AMPH: variants seen among roughly 807,000 people sequenced by gnomAD.
AMPH encodes the protein amphiphysin (Stiff-Mann syndrome with breast cancer 128kD autoantigen).
AMPH carries 49 observed loss-of-function variants against 99.1 expected under a neutral mutation model. The observed-to-expected ratio is 0.49, with a 90% CI of 0.39 to 0.63. The LOEUF is 0.63. AMPH is among the 20% of genes least tolerant of loss of function. The probability of loss-of-function intolerance (pLI) is 0.00; values close to 1 mark genes in which losing one functional copy is unlikely to be tolerated. For missense variants in AMPH, 759 were observed against 863.4 expected, an observed-to-expected ratio of 0.88 and a Z score of 1.52; for synonymous variants, 314 against 317.3, an observed-to-expected ratio of 0.99 and a Z score of 0.11.
chr7:38,563,503 G>A (rs1409661781), intron 1 of AMPH, among the ~76,000 whole-genome samples: 1 of 152,120 alleles, frequency 6.6e-6, no homozygotes, highest in Non-Finnish European at 1.5e-5. Context: ...CAACCAAAAA[G>A]TACTATAATT....
chr7:38,516,841 G>A (rs960669091), intron 2 of AMPH, among the ~76,000 whole-genome samples: 5 of 152,230 alleles, frequency 3.3e-5, no homozygotes, highest in South Asian at 2.1e-4. Flanking sequence ...CCTTGTGTCA[G>A]TGTCGCCTGA....
At chr7:38,422,500 G>A in intron 15 of AMPH, 23 bp from the exon 16 acceptor site, 1 of 1,594,882 alleles carries the variant, frequency 6.3e-7, no homozygotes, top group East Asian at 2.2e-5. Context: ...GATAAAAATA[G>A]AAGATGTTTT....
intron 1 of AMPH, among the ~76,000 whole-genome samples, chr7:38,561,187 C>T (rs1791540739): frequency 6.6e-6 from 1 of 152,210 alleles, no homozygotes; most frequent in Non-Finnish European, 1.5e-5. Flanking sequence ...GTCACTGAAC[C>T]TCTCCTATAT....
chr7:38,427,880 T>C (rs1562746480), intron 14 of AMPH: 2 of 456,564 alleles, frequency 4.4e-6, no homozygotes, highest in African/African-American at 4.0e-5. Flanking sequence ...ACAATCCATA[T>C]CTCTGGTTAG....
At chr7:38,533,774 C>T (rs1790497483) in intron 2 of AMPH, among the ~76,000 whole-genome samples, 1 of 152,102 alleles carries the variant, frequency 6.6e-6, no homozygotes, top group Non-Finnish European at 1.5e-5. Flanking sequence ...TTATAATGCG[C>T]AAACCCCATT....
chr7:38,571,281 TTA>T (rs1491553666), intron 1 of AMPH, among the ~76,000 whole-genome samples: 4 of 44,084 alleles, frequency 9.1e-5, no homozygotes, highest in Non-Finnish European at 1.2e-4. Flanking sequence ...ATATATATTT[TTA>T]TATATATTTA....
Position 38,631,309 on chromosome 7 carries a change from T to C in AMPH, c.43A>G (p.Lys15Glu). 1 of 1,549,250 alleles carries C rather than the reference T, an allele frequency of 6.5e-7. No individual in the cohort carries two copies. The highest frequency in any genetic ancestry group is 8.7e-7 in the Non-Finnish European group (1 of 1,148,192). ...TTTTCCTGCGCGCGGTTGAGTCGCT[T>C]CTGGACGTTCTTGGCGAAGATGCCC... ...KTGIFAKNVQ[K>E]RLNRAQEKVL... Residue 15 changes from lysine to glutamate, a missense_variant, in exon 1 of 21, where the codon AAG becomes GAG. This residue lies in a region of AMPH where 205 missense variants were observed against 287.9 expected (regional missense o/e 0.71). Coordinates refer to ENST00000356264, the MANE Select transcript of AMPH (RefSeq NM_001635.4).
At chr7:38,441,784 ATCTG>A (rs1482336354) in intron 11 of AMPH, among the ~76,000 whole-genome samples, 1 of 80,878 alleles carries the variant, frequency 1.2e-5, no homozygotes, top group Non-Finnish European at 2.9e-5. Context: ...TATATCATAT[ATCTG>A]TCATATATAT....
rs116007729 is a variant in AMPH, at chr7:38,606,763, C to T, written c.69+24520G>A. Among the ~76,000 whole-genome samples the T allele has an allele frequency of 4.6e-3, 704 of 152,048 alleles. 6 individuals carry two copies. The highest frequency in any genetic ancestry group is 0.016 in the African/African-American group (674 of 41,504). On this transcript the variant is annotated intron_variant, in intron 1 of 20. Transcript: ENST00000356264. ...AATTTTTTAAACTTTTTTGTAGAGA[C>T]AGGGTCTTGCTATGTTGCCCAGGCT...
intron 9 of AMPH, chr7:38,464,067 A>G: frequency 7.8e-7 from 1 of 1,289,770 alleles, no homozygotes; most frequent in Non-Finnish European, 1.0e-6. Context: ...AGCTTAATAG[A>G]GATGCCACTG....
rs191771532 is a variant in AMPH, at chr7:38,444,468, G to C, written c.1018-8080C>G. ...TTGGATATGTAGACGCAAGGAGAATGCCATGTGAAGACACAGAGCCCACAG... is the reference window on the plus strand; with the variant it reads ...TTGGATATGTAGACGCAAGGAGAATCCCATGTGAAGACACAGAGCCCACAG... On this transcript the variant is annotated intron_variant, in intron 11 of 20. Transcript: ENST00000356264. 2.0e-4 allele frequency among the ~76,000 whole-genome samples: 31 copies of C among 152,274 alleles called. 1 individual carries two copies. Among genetic ancestry groups the C allele is most frequent in the African/African-American group, 7.2e-4 (30 of 41,568 alleles).
intron 11 of AMPH, among the ~76,000 whole-genome samples, chr7:38,439,450 T>G (rs774585874): frequency 9.9e-5 from 15 of 152,242 alleles, no homozygotes; most frequent in Non-Finnish European, 1.8e-4. Context: ...CTGGTAAAGC[T>G]ACAAACATAG....
At chr7:38,445,900 T>G (rs1353612239) in intron 11 of AMPH, among the ~76,000 whole-genome samples, 2 of 151,622 alleles carry the variant, frequency 1.3e-5, no homozygotes, top group African/African-American at 4.9e-5. Context: ...AGTGAGTGAG[T>G]GTCAAGAGAT....
chr7:38,621,738 G>A lies in AMPH; in HGVS notation c.69+9545C>T, dbSNP rs190442872. On this transcript the variant is annotated intron_variant, in intron 1 of 20. Transcript: ENST00000356264. ...AAATGACCAAAATGGTGGTTTTCTC[G>A]TTTTTGTACATCTGTTCTAAGTAGG... Among the ~76,000 whole-genome samples the A allele has an allele frequency of 4.9e-3, 748 of 152,162 alleles. 8 individuals are homozygous for A. Among genetic ancestry groups the A allele is most frequent in the African/African-American group, 0.016 (653 of 41,530 alleles).
intron 3 of AMPH, among the ~76,000 whole-genome samples, chr7:38,494,919 A>C (rs1312060168): frequency 2.0e-5 from 3 of 152,218 alleles, no homozygotes; most frequent in African/African-American, 7.2e-5. Flanking sequence ...ATGAATTTAA[A>C]TACATGGCAT....
At chr7:38,564,163 A>C (rs1404171766) in intron 1 of AMPH, among the ~76,000 whole-genome samples, 1 of 152,200 alleles carries the variant, frequency 6.6e-6, no homozygotes, top group African/African-American at 2.4e-5. Flanking sequence ...ATATCTCCAC[A>C]AATTATGTGA....
In AMPH at chr7:38,570,987, T is replaced by TATATGA. The variant is rs372724087; in HGVS notation, c.70-35977_70-35976insTCATAT. Among the ~76,000 whole-genome samples, 4 of 15,856 alleles carry TATATGA rather than the reference T, an allele frequency of 2.5e-4. 2 individuals are homozygous for TATATGA. Among genetic ancestry groups the TATATGA allele is most frequent in the Non-Finnish European group, 5.2e-4 (4 of 7,672 alleles). The allele number at this position is 15,856 out of a possible 152,430, so 10.4% of individuals were successfully genotyped here. On this transcript the variant is annotated intron_variant, in intron 1 of 20. Coordinates refer to ENST00000356264, the MANE Select transcript of AMPH (RefSeq NM_001635.4). The stretch of plus-strand genomic sequence containing the variant: ...ATATATAGAATATATATATATTCAA[T>TATATGA]ATATATATATTCATATATATAGAAT...
intron 4 of AMPH, 83 bp downstream of exon 4, chr7:38,494,350 T>C (rs1788842872): frequency 8.8e-7 from 1 of 1,131,158 alleles, no homozygotes; most frequent in Non-Finnish European, 1.3e-6. Context: ...TGATTAAGAC[T>C]GTGAAGTGGA....
At chr7:38,444,330 C>T (rs981076642) in intron 11 of AMPH, among the ~76,000 whole-genome samples, 39 of 152,144 alleles carry the variant, frequency 2.6e-4, no homozygotes, top group Non-Finnish European at 4.7e-4. Flanking sequence ...TATCTGGAAC[C>T]TGTAAGTGTG....
Sources: allele counts gnomAD v4.1 joint callset (sites outside exome capture counted in the v4.1 genomes callset), GRCh38; gene constraint gnomAD v4.1.1; regional missense constraint gnomAD v4.1.1; transcripts MANE v1.5; gene names NCBI Gene and HGNC (gene_info 2026-07-23, HGNC 2026-07-21).